The following BCKDHB variants were observed in gnomAD, a reference collection of about 807,000 sequenced individuals.
BCKDHB encodes branched chain keto acid dehydrogenase E1 subunit beta, also known as 2-oxoisovalerate dehydrogenase subunit beta, mitochondrial.
BCKDHB carries 41 observed loss-of-function variants against 48.5 expected under a neutral mutation model. The observed-to-expected ratio is 0.85, with a 90% confidence interval of 0.66 to 1.10. The LOEUF (loss-of-function observed/expected upper bound fraction) is 1.10, where lower values mean the gene tolerates loss of function less well. Ranked by LOEUF, BCKDHB falls within the 50% of genes least tolerant of loss-of-function variation. BCKDHB has a pLI of 0.00. For missense variants in BCKDHB, 496 were observed against 494.2 expected, an observed-to-expected ratio of 1.00 and a Z score of -0.03; for synonymous variants, 201 against 174.8, an observed-to-expected ratio of 1.15 and a Z score of -1.18.
At chr6:80,366,314 G>C in the BCKDHB span, among the ~76,000 whole-genome samples, 56,356 of 152,000 alleles carry the variant, frequency 0.37, 12,043 homozygotes, top group East Asian at 0.66. Flanking sequence ...ATTTGATCTT[G>C]GGGAAAGAGT....
intron 3 of BCKDHB, among the ~76,000 whole-genome samples, chr6:80,134,905 C>G (rs1036968060): frequency 2.0e-5 from 3 of 152,008 alleles, no homozygotes; most frequent in African/African-American, 7.3e-5. Context: ...GCATACACCA[C>G]TATGCCTGGC....
intron 9 of BCKDHB, among the ~76,000 whole-genome samples, chr6:80,313,330 TTTTC>T (rs1768262495): frequency 1.3e-5 from 2 of 152,112 alleles, no homozygotes; most frequent in African/African-American, 2.4e-5. Flanking sequence ...TTCTCTCTTT[TTTTC>T]TTTATTAGTG....
intron 8 of BCKDHB, among the ~76,000 whole-genome samples, chr6:80,208,721 A>G (rs1337644276): frequency 6.6e-6 from 1 of 151,832 alleles, no homozygotes; most frequent in African/African-American, 2.4e-5. Context: ...TTCAACATTG[A>G]TACAAGAGGA....
intron 9 of BCKDHB, among the ~76,000 whole-genome samples, chr6:80,316,124 A>G (rs1476212841): frequency 1.3e-5 from 2 of 152,230 alleles, no homozygotes; most frequent in Non-Finnish European, 2.9e-5. Context: ...AACAGTGAAA[A>G]TAACTGGTAT....
intron 8 of BCKDHB, among the ~76,000 whole-genome samples, chr6:80,228,382 A>AT (rs1775770061): frequency 6.6e-6 from 1 of 152,194 alleles, no homozygotes; most frequent in African/African-American, 2.4e-5. Flanking sequence ...TGGTACTCAG[A>AT]TAAGTGTGGG....
At chr6:80,127,661 T>G in intron 2 of BCKDHB, 37 bp downstream of exon 2, 2 of 1,534,484 alleles carry the variant, frequency 1.3e-6, no homozygotes, top group Non-Finnish European at 1.8e-6. Context: ...GGTAGCTGTG[T>G]TAATTCCAGA....
intron 8 of BCKDHB, among the ~76,000 whole-genome samples, chr6:80,208,330 A>G (rs1356696660): frequency 6.6e-6 from 1 of 151,826 alleles, no homozygotes. Flanking sequence ...AGCTTAAGCC[A>G]TGCTCAGAGG....
At chr6:80,164,514 A>G (rs1406650568) in intron 3 of BCKDHB, among the ~76,000 whole-genome samples, 1 of 151,986 alleles carries the variant, frequency 6.6e-6, no homozygotes, top group African/African-American at 2.4e-5. Flanking sequence ...CAAACTAAAT[A>G]TTTCCTTCAT....
intron 8 of BCKDHB, among the ~76,000 whole-genome samples, chr6:80,223,819 G>A (rs1050687531): frequency 6.6e-6 from 1 of 152,146 alleles, no homozygotes; most frequent in Non-Finnish European, 1.5e-5. Flanking sequence ...GTCTCTCCGT[G>A]TGGTTAAACT....
chr6:80,244,160 G>T (rs1372901647), intron 8 of BCKDHB, among the ~76,000 whole-genome samples: 2 of 152,204 alleles, frequency 1.3e-5, no homozygotes, highest in Non-Finnish European at 1.5e-5. Flanking sequence ...AAAGACTGAG[G>T]TGTTTGATGA....
At chr6:80,312,009 G>A (rs2127997361) in intron 9 of BCKDHB, among the ~76,000 whole-genome samples, 1 of 152,286 alleles carries the variant, frequency 6.6e-6, no homozygotes, top group East Asian at 1.9e-4. Flanking sequence ...TCTATAAACT[G>A]CTTTGGGCAG....
chr6:80,267,802 C>T (rs1777575927), intron 8 of BCKDHB, among the ~76,000 whole-genome samples: 1 of 151,984 alleles, frequency 6.6e-6, no homozygotes, highest in Non-Finnish European at 1.5e-5. Flanking sequence ...CAAAAATTTC[C>T]CAAATGTTTT....
the BCKDHB span, among the ~76,000 whole-genome samples, chr6:80,415,380 G>A: frequency 6.6e-6 from 1 of 152,072 alleles, no homozygotes; most frequent in African/African-American, 2.4e-5. Flanking sequence ...TCCAGATTTT[G>A]CCCATTGAGT....
chr6:80,459,132 T>C, the BCKDHB span, among the ~76,000 whole-genome samples: 2 of 152,132 alleles, frequency 1.3e-5, no homozygotes, highest in African/African-American at 4.8e-5. Context: ...CTTCTGGGTA[T>C]TTATCCAAAA....
At position 80,277,657 on chromosome 6, in the gene BCKDHB, A is replaced by C. The variant is rs574286009; in HGVS notation, c.1038+4436A>C. On this transcript the variant is annotated intron_variant, in intron 9 of 9. Coordinates refer to ENST00000320393, the MANE Select transcript of BCKDHB (RefSeq NM_183050.4). The stretch of plus-strand genomic sequence containing the variant: ...AGGGATGTGGTTGGCTTAAGATTTG[A>C]GTTTTTTTTTTTTTTTTTTAAATCA... Among the ~76,000 whole-genome samples, 6 of 132,728 alleles carry C rather than the reference A, an allele frequency of 4.5e-5. No individual in the cohort carries two copies. The East Asian group carries it at 1.2e-3, about 28-fold the overall frequency. The allele number at this position is 132,728 out of a possible 152,430, so 87.1% of individuals were successfully genotyped here. A position where few individuals can be genotyped will look rare whatever the true frequency, so the allele number is the denominator to read the frequency against.
the BCKDHB span, among the ~76,000 whole-genome samples, chr6:80,416,628 G>T: frequency 6.6e-6 from 1 of 151,760 alleles, no homozygotes; most frequent in Admixed American, 6.6e-5. Flanking sequence ...ATTTGATCGT[G>T]CTATTGTCCT....
chr6:80,124,957 A>G (rs771251242), intron 1 of BCKDHB, among the ~76,000 whole-genome samples: 8 of 152,188 alleles, frequency 5.3e-5, no homozygotes, highest in Non-Finnish European at 8.8e-5. Context: ...CACCAGCTAC[A>G]TTAGCCCCTT....
the BCKDHB span, among the ~76,000 whole-genome samples, chr6:80,423,222 G>T: frequency 2.0e-5 from 3 of 152,268 alleles, no homozygotes; most frequent in South Asian, 2.1e-4. Flanking sequence ...CGAAGAAAGT[G>T]CCTTGCTTTC....
At chr6:80,323,803 C>T (rs1045550367) in intron 9 of BCKDHB, among the ~76,000 whole-genome samples, 10 of 152,172 alleles carry the variant, frequency 6.6e-5, no homozygotes, top group South Asian at 4.1e-4. Context: ...GACGGAATCT[C>T]GCTCTGTTGC....
Sources: allele counts gnomAD v4.1 joint callset (sites outside exome capture counted in the v4.1 genomes callset), GRCh38; gene constraint gnomAD v4.1.1; transcripts MANE v1.5; gene names NCBI Gene and HGNC (gene_info 2026-07-23, HGNC 2026-07-21).